The following ADAMTS12 variants were observed in gnomAD, a reference collection of about 807,000 sequenced individuals.
ADAMTS12 encodes ADAM metallopeptidase with thrombospondin type 1 motif 12.
ADAMTS12 carries 118 observed loss-of-function variants against 167.8 expected under a neutral mutation model. That is an observed-to-expected ratio of 0.70 (90% CI 0.61 to 0.82). ADAMTS12 has a LOEUF of 0.82. ADAMTS12 is among the 40% of genes least tolerant of loss of function. The pLI is 0.00. For synonymous variants in ADAMTS12, 704 were observed against 716.9 expected (o/e 0.98, Z 0.29); for missense variants, 1,916 against 1,998.8 (o/e 0.96, Z 0.79).
intron 7 of ADAMTS12, among the ~76,000 whole-genome samples, chr5:33,653,434 T>A (rs2060873833): frequency 6.6e-6 from 1 of 152,128 alleles, no homozygotes. Context: ...TTTGTTAATT[T>A]TTTTACATCT....
At chr5:33,639,814 C>T (rs1740373396) in intron 11 of ADAMTS12, among the ~76,000 whole-genome samples, 1 of 152,140 alleles carries the variant, frequency 6.6e-6, no homozygotes, top group South Asian at 2.1e-4. Flanking sequence ...TCCTTGAATG[C>T]CCATGAGATT....
In ADAMTS12 at chr5:33,566,726, T is replaced by C. The variant is rs1746033840; in HGVS notation, c.3973-5547A>G. 3.3e-5 allele frequency among the ~76,000 whole-genome samples: 5 copies of C among 152,132 alleles called. No homozygotes were observed. The South Asian group carries it at 1.0e-3, about 32-fold the overall frequency. ...AGAGAGTGCTAGATATTCACCATAA[T>C]CCTTTTTCTTCTTCTGGGCACATAA... On this transcript the variant is annotated intron_variant, in intron 19 of 23. Coordinates refer to ENST00000504830, the MANE Select transcript of ADAMTS12 (RefSeq NM_030955.4).
intron 3 of ADAMTS12, among the ~76,000 whole-genome samples, chr5:33,687,415 A>C (rs1742373738): frequency 6.6e-6 from 1 of 152,226 alleles, no homozygotes; most frequent in Non-Finnish European, 1.5e-5. Context: ...CACATAGTAA[A>C]TGACAGATTC....
intron 23 of ADAMTS12, among the ~76,000 whole-genome samples, 200 bp downstream of exon 23, chr5:33,534,633 A>G (rs1399424653): frequency 6.6e-6 from 1 of 152,218 alleles, no homozygotes; most frequent in African/African-American, 2.4e-5. Flanking sequence ...AAAAAGAAAA[A>G]TGGATGAGAT....
intron 2 of ADAMTS12, among the ~76,000 whole-genome samples, chr5:33,758,120 T>C (rs755778622): frequency 5.9e-5 from 9 of 152,192 alleles, no homozygotes; most frequent in Non-Finnish European, 1.0e-4. Context: ...TGAGTATCCA[T>C]ACATAGTAAG....
At chr5:33,772,596 C>A (rs1372714253) in intron 2 of ADAMTS12, among the ~76,000 whole-genome samples, 1 of 152,178 alleles carries the variant, frequency 6.6e-6, no homozygotes, top group Non-Finnish European at 1.5e-5. Flanking sequence ...CATAACAAAG[C>A]ATATGCCCAA....
At position 33,641,694 on chromosome 5, in the gene ADAMTS12, C is replaced by T. The variant is rs1181298854; in HGVS notation, c.1718+116G>A. 4 of 1,032,108 alleles carry T rather than the reference C, an allele frequency of 3.9e-6. No individual in the cohort carries two copies. The African/African-American group carries it at 4.8e-5, about 12-fold the overall frequency. The allele number at this position is 1,032,108 out of a possible 1,614,324, so 63.9% of individuals were successfully genotyped here. A position where few individuals can be genotyped will look rare whatever the true frequency, so the allele number is the denominator to read the frequency against. On this transcript the variant is annotated intron_variant, in intron 11 of 23. Transcript: ENST00000504830. Reference sequence around the variant, plus strand: ...TCTTGTTCTGTTTTGTCCTGGGAACCCATTTAATTTACCTGGAGGAGGCTT... The same window carrying T: ...TCTTGTTCTGTTTTGTCCTGGGAACTCATTTAATTTACCTGGAGGAGGCTT...
chr5:33,764,805 ATT>A (rs34263528), intron 2 of ADAMTS12, among the ~76,000 whole-genome samples: 1 of 148,950 alleles, frequency 6.7e-6, no homozygotes, highest in Admixed American at 6.7e-5. Flanking sequence ...AAATTTGATG[ATT>A]TTTTTTTTTC....
intron 23 of ADAMTS12, among the ~76,000 whole-genome samples, chr5:33,528,817 T>C (rs1436321000): frequency 6.6e-6 from 1 of 152,050 alleles, no homozygotes; most frequent in Non-Finnish European, 1.5e-5. Context: ...GAGGCTGACG[T>C]GGGCGGATCA....
intron 18 of ADAMTS12, among the ~76,000 whole-genome samples, chr5:33,587,488 T>C (rs919867056): frequency 7.2e-5 from 11 of 152,180 alleles, no homozygotes; most frequent in African/African-American, 2.7e-4. Flanking sequence ...AGGGTCTCAC[T>C]TTCTCACCTA....
intron 2 of ADAMTS12, among the ~76,000 whole-genome samples, chr5:33,829,044 C>G (rs969896706): frequency 7.2e-5 from 11 of 152,308 alleles, no homozygotes; most frequent in Non-Finnish European, 1.6e-4. Context: ...ACACACCATA[C>G]TGCTCTGAAT....
intron 1 of ADAMTS12, 131 bp downstream of exon 1, chr5:33,891,599 T>C: frequency 7.2e-7 from 1 of 1,396,804 alleles, no homozygotes; most frequent in Non-Finnish European, 9.8e-7. Flanking sequence ...CAGCCCAGAT[T>C]TCCTTACAAC....
At chr5:33,647,573 A>G (rs967839114) in intron 9 of ADAMTS12, among the ~76,000 whole-genome samples, 1 of 152,166 alleles carries the variant, frequency 6.6e-6, no homozygotes, top group Non-Finnish European at 1.5e-5. Flanking sequence ...TCTACTGAAA[A>G]TACAAAAATT....
chr5:33,857,377 A>G (rs973966880), intron 2 of ADAMTS12, among the ~76,000 whole-genome samples: 3 of 152,086 alleles, frequency 2.0e-5, no homozygotes, highest in Admixed American at 6.5e-5. Context: ...ACTGAAGTGT[A>G]TACTTGAAAT....
intron 2 of ADAMTS12, 58 bp downstream of exon 2, chr5:33,881,061 A>G: frequency 6.4e-7 from 1 of 1,573,958 alleles, no homozygotes; most frequent in Non-Finnish European, 8.6e-7. Context: ...TAGTAGGTCT[A>G]CCAGCTGAGA....
At chr5:33,850,976 GAAACTTCTCTT>G in intron 2 of ADAMTS12, among the ~76,000 whole-genome samples, 1 of 152,216 alleles carries the variant, frequency 6.6e-6, no homozygotes, top group South Asian at 2.1e-4. Context: ...TGAGTGTTAA[GAAACTTCTCTT>G]AGAGCTTCTG....
At chr5:33,830,892 T>C (rs1748272998) in intron 2 of ADAMTS12, among the ~76,000 whole-genome samples, 1 of 152,146 alleles carries the variant, frequency 6.6e-6, no homozygotes, top group Non-Finnish European at 1.5e-5. Context: ...GTTAAACATA[T>C]ATATTAATTT....
intron 3 of ADAMTS12, among the ~76,000 whole-genome samples, chr5:33,702,203 G>A (rs1427051669): frequency 1.3e-5 from 2 of 152,172 alleles, no homozygotes; most frequent in African/African-American, 4.8e-5. Context: ...TTACAAAAGA[G>A]AGGAAATTGA....
At chr5:33,631,552 T>C (rs1181274950) in intron 12 of ADAMTS12, among the ~76,000 whole-genome samples, 1 of 152,152 alleles carries the variant, frequency 6.6e-6, no homozygotes, top group Admixed American at 6.5e-5. Flanking sequence ...CTGAATCCAT[T>C]CTAAGGTTCA....
Sources: gnomAD v4.1 joint callset for allele counts (sites outside exome capture counted in the v4.1 genomes callset) on GRCh38, gnomAD v4.1.1 for gene constraint, MANE v1.5 for transcripts, NCBI Gene and HGNC (gene_info 2026-07-23, HGNC 2026-07-21) for gene names.